GLIS1: variants seen among roughly 807,000 people sequenced by gnomAD.
The protein encoded by GLIS1 is GLIS family zinc finger 1, also known as zinc finger protein GLIS1.
A neutral mutation model predicts 63.8 loss-of-function variants in GLIS1; 24 were observed. That is an observed-to-expected ratio of 0.38 (90% CI 0.27 to 0.53). The LOEUF (loss-of-function observed/expected upper bound fraction) is 0.53. GLIS1 is among the 20% of genes least tolerant of loss of function. GLIS1 has a pLI of 0.85. For missense variants in GLIS1, 1,036 were observed against 1,074.1 expected, an observed-to-expected ratio of 0.96 and a Z score of 0.50; for synonymous variants, 450 against 482.5, an observed-to-expected ratio of 0.93 and a Z score of 0.88.
intron 2 of GLIS1, among the ~76,000 whole-genome samples, chr1:53,685,446 C>G (rs1417221919): frequency 6.6e-6 from 1 of 152,232 alleles, no homozygotes; most frequent in East Asian, 1.9e-4. Context: ...TGAGTCTGAC[C>G]TCCTCGGCAA....
chr1:53,728,068 G>T (rs937458703), intron 2 of GLIS1, among the ~76,000 whole-genome samples: 1 of 152,176 alleles, frequency 6.6e-6, no homozygotes, highest in Non-Finnish European at 1.5e-5. Context: ...CTTGGAGCCA[G>T]CCCTGTGCTG....
rs758784066 is a variant in GLIS1, at chr1:53,594,649, T to G, written c.779A>C (p.Asp260Ala). The change falls in exon 4 of 11, where the codon GAC becomes GCC. Residue 260 changes from aspartate to alanine, a missense_variant. Around this residue, in one of 3 missense-constraint regions of GLIS1, gnomAD observed 592 missense variants for 593.9 expected, o/e 1.00. Transcript: ENST00000628545. ...PASSSPCASS[D>A]VTSIIRSSQT... is the part of the protein sequence containing the mutation. ...GGAGGAGCGGATGATGGAGGTGACG[T>G]CGGAGGAGGCACAGGGTGAGGAGGA... The G allele has an allele frequency of 3.9e-6, 6 of 1,556,988 alleles. No individual in the cohort carries two copies. In the Admixed American group the frequency reaches 1.1e-4, roughly 28 times the overall value.
At chr1:53,650,862 C>T (rs921761676) in intron 2 of GLIS1, among the ~76,000 whole-genome samples, 5 of 152,222 alleles carry the variant, frequency 3.3e-5, no homozygotes, top group African/African-American at 1.2e-4. Flanking sequence ...TTGGCTGGCA[C>T]TGGCCTAATT....
At position 53,594,239 on chromosome 1, in the gene GLIS1, C is replaced by T. The variant is rs539985102; in HGVS notation, c.1189G>A (p.Asp397Asn). ...LVRHIEKSHI[D>N]QRKGEDFTCF... ...GTGAAGTCCTCGCCCTTGCGCTGGT[C>T]GATGTGGCTCTTCTCGATGTGCCGC... The change falls in exon 4 of 11, where the codon GAC (aspartate) becomes AAC (asparagine). Residue 397 changes from aspartate to asparagine, a missense_variant. By Grantham distance (23) the Asp-to-Asn change is conservative. Coordinates refer to ENST00000628545, the MANE Select transcript of GLIS1 (RefSeq NM_001367484.1). The T allele has an allele frequency of 1.9e-6, 3 of 1,613,704 alleles. No homozygotes were observed. Among genetic ancestry groups the T allele is most frequent in the Non-Finnish European group, 2.5e-6 (3 of 1,179,978 alleles).
intron 2 of GLIS1, among the ~76,000 whole-genome samples, chr1:53,662,598 G>A (rs1646041079): frequency 6.6e-6 from 1 of 152,104 alleles, no homozygotes; most frequent in African/African-American, 2.4e-5. Context: ...TCCTGGTTTG[G>A]AGGCAGCTAC....
intron 2 of GLIS1, among the ~76,000 whole-genome samples, chr1:53,679,137 A>G (rs1646247509): frequency 1.3e-5 from 2 of 151,880 alleles, no homozygotes; most frequent in Admixed American, 6.6e-5. Flanking sequence ...ATCCCACTTC[A>G]TCTCCCTCCA....
rs74369121 is a variant in GLIS1 at position 53,560,454 on chromosome 1, G to C, written c.1321-30502C>G. Among the ~76,000 whole-genome samples the C allele has an allele frequency of 6.6e-6, 1 of 152,176 alleles. No individual in the cohort carries two copies. The highest frequency in any genetic ancestry group is 2.4e-5 in the African/African-American group (1 of 41,434). Reference sequence around the variant, plus strand: ...CACTGGCAGACGGACAGTTCCGGTCGGGAGATATCTGGTCCACACACGGAG... The same window carrying C: ...CACTGGCAGACGGACAGTTCCGGTCCGGAGATATCTGGTCCACACACGGAG... On this transcript the variant is annotated intron_variant, in intron 4 of 10. Transcript: ENST00000628545. This position sits in a 1 kb window ranked among gnomAD's most constrained non-coding sequence, Gnocchi z 4.4.
In GLIS1 at chr1:53,509,257, C is replaced by T. The variant is rs1286934225; in HGVS notation, c.2093G>A (p.Ser698Asn). ...GYQGSFHSIQ[S>N]CFPYGDCYRM... ...GTAGCAGTCGCCATAGGGGAAGCAA[C>T]TCTGGATGGAGTGGAAACTGCCCTG... Residue 698 changes from serine to asparagine, a missense_variant, in exon 10 of 11, where the codon AGT (serine) becomes AAT (asparagine). Transcript: ENST00000628545. 2 of 1,590,782 alleles carry T rather than the reference C, an allele frequency of 1.3e-6. No individual in the cohort carries two copies. The highest frequency in any genetic ancestry group is 2.7e-5 in the African/African-American group (2 of 74,552).
At chr1:53,718,380 T>C (rs1422090709) in intron 2 of GLIS1, among the ~76,000 whole-genome samples, 2 of 152,050 alleles carry the variant, frequency 1.3e-5, no homozygotes, top group Admixed American at 1.3e-4. Context: ...CAGGAAAGTA[T>C]GATTCACAGG....
At chr1:53,555,484 C>T (rs574680713) in intron 4 of GLIS1, among the ~76,000 whole-genome samples, 2 of 152,058 alleles carry the variant, frequency 1.3e-5, no homozygotes, top group African/African-American at 2.4e-5. Context: ...GAGCCAAGAT[C>T]GCGCCACTAC....
At position 53,600,177 on chromosome 1, in the gene GLIS1, G is replaced by GA; in HGVS notation, c.360dup (p.Leu121SerfsTer16). 1 of 1,231,750 alleles carries GA rather than the reference G, an allele frequency of 8.1e-7. No individual in the cohort carries two copies. Among genetic ancestry groups the GA allele is most frequent in the Non-Finnish European group, 1.0e-6 (1 of 987,594 alleles). The allele number at this position is 1,231,750 out of a possible 1,614,324, so 76.3% of individuals were successfully genotyped here. ...CGGGGCGGTGGGCTTCCTGCAGGGA[G>GA]AAACAGGCCCTGGCAGCAGGTGGGG... On this transcript the variant is annotated frameshift_variant, in exon 3 of 11. Coordinates refer to ENST00000628545, the MANE Select transcript of GLIS1 (RefSeq NM_001367484.1). LOFTEE classifies it high-confidence loss of function.
chr1:53,725,206 A>T (rs1209355570), intron 2 of GLIS1, among the ~76,000 whole-genome samples: 1 of 152,200 alleles, frequency 6.6e-6, no homozygotes, highest in East Asian at 1.9e-4. Context: ...AAGCCACCAG[A>T]ATCGGCAACA....
At chr1:53,652,098 G>T (rs982781132) in intron 2 of GLIS1, among the ~76,000 whole-genome samples, 2 of 152,186 alleles carry the variant, frequency 1.3e-5, no homozygotes, top group East Asian at 3.9e-4. Flanking sequence ...AAAGACCAGG[G>T]TTTAAATCTC....
At chr1:53,679,211 G>T (rs1646248626) in intron 2 of GLIS1, among the ~76,000 whole-genome samples, 1 of 152,186 alleles carries the variant, frequency 6.6e-6, no homozygotes, top group Non-Finnish European at 1.5e-5. Flanking sequence ...AGGGGGAACG[G>T]GCAGGAGAGA....
intron 2 of GLIS1, among the ~76,000 whole-genome samples, chr1:53,649,700 T>G (rs1354898696): frequency 1.3e-5 from 2 of 152,246 alleles, no homozygotes; most frequent in Non-Finnish European, 2.9e-5. Flanking sequence ...AAACAGATGA[T>G]GTAAACTTAC....
intron 4 of GLIS1, among the ~76,000 whole-genome samples, chr1:53,568,141 G>A (rs1438797037): frequency 6.6e-6 from 1 of 152,218 alleles, no homozygotes; most frequent in African/African-American, 2.4e-5. Context: ...CAGGGATGGA[G>A]TTGCTTGAGG....
intron 4 of GLIS1, among the ~76,000 whole-genome samples, chr1:53,559,876 A>G (rs1231988814): frequency 6.6e-6 from 1 of 152,082 alleles, no homozygotes; most frequent in Non-Finnish European, 1.5e-5. Flanking sequence ...ACACACACAC[A>G]GTCATCTACA....
chr1:53,674,524 A>T (rs1646191182), intron 2 of GLIS1, among the ~76,000 whole-genome samples: 1 of 152,148 alleles, frequency 6.6e-6, no homozygotes, highest in Non-Finnish European at 1.5e-5. Context: ...AATACATGTA[A>T]ATGTGCTCAG....
At chr1:53,635,925 A>C (rs944871952) in intron 2 of GLIS1, among the ~76,000 whole-genome samples, 2 of 152,238 alleles carry the variant, frequency 1.3e-5, no homozygotes, top group African/African-American at 4.8e-5. Flanking sequence ...AGTCCAATAG[A>C]TATTAACATA....
Sources: allele counts gnomAD v4.1 joint callset (sites outside exome capture counted in the v4.1 genomes callset), GRCh38; gene constraint gnomAD v4.1.1; regional missense constraint gnomAD v4.1.1; non-coding constraint Gnocchi (gnomAD v3.1); transcripts MANE v1.5; gene names NCBI Gene and HGNC (gene_info 2026-07-23, HGNC 2026-07-21).